The following CDH7 variants were observed in gnomAD, a reference collection of about 807,000 sequenced individuals.
CDH7 encodes cadherin-7.
Under a neutral mutation model 71.8 loss-of-function variants are expected in CDH7, and 25 were observed. The ratio of observed to expected loss-of-function variants is 0.35; its 90% CI spans 0.25 to 0.49. CDH7 has a LOEUF of 0.49. CDH7 is among the 20% of genes least tolerant of loss of function. CDH7 has a pLI of 0.99. For synonymous variants in CDH7, 381 were observed against 363.8 expected, an observed-to-expected ratio of 1.05 and a Z score of -0.54; for missense variants, 862 against 974.6, an observed-to-expected ratio of 0.88 and a Z score of 1.54.
chr18:65,806,560 G>T (rs1284650373), intron 2 of CDH7, among the ~76,000 whole-genome samples: 1 of 152,030 alleles, frequency 6.6e-6, no homozygotes, highest in African/African-American at 2.4e-5. Context: ...CCATTTTATA[G>T]GATCATAGTT....
At chr18:65,757,951 A>G (rs1175669197) in intron 1 of CDH7, among the ~76,000 whole-genome samples, 1 of 152,226 alleles carries the variant, frequency 6.6e-6, no homozygotes, top group Admixed American at 6.5e-5. Flanking sequence ...AAGATAGAAG[A>G]TAAACAACAT....
At chr18:65,774,202 G>C (rs572130724) in intron 2 of CDH7, among the ~76,000 whole-genome samples, 1 of 151,486 alleles carries the variant, frequency 6.6e-6, no homozygotes, top group Non-Finnish European at 1.5e-5. Flanking sequence ...TATTATTACT[G>C]TTATTAATAT....
chr18:65,859,517 A>G (rs1913484136), intron 9 of CDH7, among the ~76,000 whole-genome samples, 191 bp from the exon 10 acceptor site: 1 of 152,250 alleles, frequency 6.6e-6, no homozygotes, highest in Non-Finnish European at 1.5e-5. Flanking sequence ...AACATGAACT[A>G]AGAAAATGAC....
At chr18:65,876,990 A>G (rs1247153720) in intron 11 of CDH7, among the ~76,000 whole-genome samples, 1 of 152,152 alleles carries the variant, frequency 6.6e-6, no homozygotes, top group African/African-American at 2.4e-5. Flanking sequence ...AAATGATAAA[A>G]CCTCTTAAAA....
chr18:65,806,398 A>ATT (rs139863872), intron 2 of CDH7, among the ~76,000 whole-genome samples: 1 of 149,580 alleles, frequency 6.7e-6, no homozygotes, highest in African/African-American at 2.5e-5. Flanking sequence ...ATTAATAGAG[A>ATT]TTTTTTTTTT....
At chr18:65,776,054 G>A (rs1424867361) in intron 2 of CDH7, among the ~76,000 whole-genome samples, 8 of 152,154 alleles carry the variant, frequency 5.3e-5, no homozygotes, top group African/African-American at 1.9e-4. Flanking sequence ...AGTAAGAACA[G>A]AACTGGCAAC....
At chr18:65,795,517 C>T (rs1422729815) in intron 2 of CDH7, among the ~76,000 whole-genome samples, 3 of 152,124 alleles carry the variant, frequency 2.0e-5, no homozygotes, top group East Asian at 1.9e-4. Flanking sequence ...AACTATGTAT[C>T]TATAATGTGA....
At position 65,822,144 on chromosome 18, in the gene CDH7, T is replaced by C; in HGVS notation, c.689T>C (p.Ile230Thr). Residue 230 changes from isoleucine (I) to threonine (T), a missense_variant, in exon 5 of 12, where the codon ATT (isoleucine) becomes ACT (threonine). Physicochemically the swap from Ile to Thr is moderately conservative, Grantham distance 89. Transcript: ENST00000397968. Reference protein sequence around the residue: ...REAKDQYLLVIQAKDMVGQNG... With the variant: ...REAKDQYLLVTQAKDMVGQNG... Reference sequence around the variant, plus strand: ...GCTAAAGACCAGTATTTGCTTGTCATTCAGGCAAAGGATATGGTTGGTCAA... The same window carrying C: ...GCTAAAGACCAGTATTTGCTTGTCACTCAGGCAAAGGATATGGTTGGTCAA... The C allele has an allele frequency of 6.2e-7, 1 of 1,611,094 alleles. No individual in the cohort carries two copies.
Position 65,881,157 on chromosome 18 carries a change from T to C in CDH7, c.*263T>C, listed in dbSNP as rs1022149318. On this transcript the variant is annotated 3_prime_UTR_variant, in exon 12 of 12. Coordinates refer to ENST00000397968, the MANE Select transcript of CDH7 (RefSeq NM_004361.5). ...TTTGATAAAAATAAATGCTCAGTGG[T>C]TTGTGAATAGATAGCAACTCTCATA... is the stretch of plus-strand genomic sequence containing the variant. The C allele has an allele frequency of 3.1e-6, 1 of 320,106 alleles. No individual in the cohort carries two copies. Among genetic ancestry groups the C allele is most frequent in the Non-Finnish European group, 5.7e-6 (1 of 175,496 alleles). The allele number at this position is 320,106 out of a possible 1,614,324, so 19.8% of individuals were successfully genotyped here. A position where few individuals can be genotyped will look rare whatever the true frequency, so the allele number is the denominator to read the frequency against.
At chr18:65,858,897 A>G in intron 8 of CDH7, 28 bp from the exon 9 acceptor site, 1 of 1,602,922 alleles carries the variant, frequency 6.2e-7, no homozygotes, top group South Asian at 1.1e-5. Context: ...GCAAAGAGTA[A>G]ATGATAAGAC....
Position 65,883,791 on chromosome 18 carries a change from T to C in CDH7, c.*2897T>C, listed in dbSNP as rs1214572814. The C allele has an allele frequency of 6.6e-6, 1 of 152,148 alleles. No homozygotes were observed. Among genetic ancestry groups the C allele is most frequent in the Non-Finnish European group, 1.5e-5 (1 of 67,978 alleles). The allele number at this position is 152,148 out of a possible 1,614,324, so 9.4% of individuals were successfully genotyped here. ...ATTGTAAATATAGTATGAATTTATA[T>C]GATTTAAAATAATGACATGAAAGGA... On this transcript the variant is annotated 3_prime_UTR_variant, in exon 12 of 12. Coordinates refer to ENST00000397968, the MANE Select transcript of CDH7 (RefSeq NM_004361.5).
rs981530732 is a variant in CDH7 at position 65,881,124 on chromosome 18, G to T, written c.*230G>T. ...CACTGACCACAGACTCTGAGCATTT[G>T]AAGGTTTTTTGATAAAAATAAATGC... On this transcript the variant is annotated 3_prime_UTR_variant, in exon 12 of 12. Coordinates refer to ENST00000397968, the MANE Select transcript of CDH7 (RefSeq NM_004361.5). 1.0e-5 allele frequency: 4 copies of T among 398,024 alleles called. No individual in the cohort carries two copies. The highest frequency in any genetic ancestry group is 1.8e-5 in the Non-Finnish European group (4 of 227,032). 24.7% of individuals were successfully genotyped at this position (398,024 alleles called of 1,614,324 possible).
At chr18:65,755,046 T>C (rs1915993845) in intron 1 of CDH7, among the ~76,000 whole-genome samples, 1 of 152,218 alleles carries the variant, frequency 6.6e-6, no homozygotes, top group Admixed American at 6.5e-5. Flanking sequence ...TACCATTACC[T>C]ACTTAGAAAA....
chr18:65,818,946 C>T (rs976483213), intron 4 of CDH7, among the ~76,000 whole-genome samples: 1 of 152,088 alleles, frequency 6.6e-6, no homozygotes, highest in African/African-American at 2.4e-5. Context: ...ATTCATGGTC[C>T]TTATGAGGTA....
intron 6 of CDH7, among the ~76,000 whole-genome samples, chr18:65,843,145 G>A (rs1912798406): frequency 6.6e-6 from 1 of 152,172 alleles, no homozygotes; most frequent in Non-Finnish European, 1.5e-5. Flanking sequence ...TGGGAAAATT[G>A]TAGCATGTAA....
chr18:65,832,290 T>A (rs1912378220), intron 6 of CDH7, among the ~76,000 whole-genome samples: 2 of 152,074 alleles, frequency 1.3e-5, no homozygotes, highest in Non-Finnish European at 2.9e-5. Flanking sequence ...TTTGAATGTA[T>A]TATACTTGGC....
intron 7 of CDH7, among the ~76,000 whole-genome samples, chr18:65,844,472 A>G (rs893665662): frequency 2.0e-5 from 3 of 151,984 alleles, no homozygotes; most frequent in Non-Finnish European, 2.9e-5. Flanking sequence ...TTCTAAACAA[A>G]TCATTTTATT....
At chr18:65,861,583 AT>A (rs1224562479) in intron 10 of CDH7, among the ~76,000 whole-genome samples, 16 of 152,078 alleles carry the variant, frequency 1.1e-4, no homozygotes, top group Non-Finnish European at 2.2e-4. Flanking sequence ...AAAATAAAAG[AT>A]TTTTTTACAT....
Position 65,885,372 on chromosome 18 carries a change from G to GTTTTTTTTTGTTTT in CDH7, c.*4487_*4488insGTTTTTTTTTTTTT, listed in dbSNP as rs1914343520. 2 of 69,436 alleles carry GTTTTTTTTTGTTTT rather than the reference G, an allele frequency of 2.9e-5. No homozygotes were observed. Among genetic ancestry groups the GTTTTTTTTTGTTTT allele is most frequent in the Non-Finnish European group, 5.3e-5 (2 of 37,390 alleles). 4.3% of individuals were successfully genotyped at this position (69,436 alleles called of 1,614,324 possible). A position where few individuals can be genotyped will look rare whatever the true frequency, so the allele number is the denominator to read the frequency against. The stretch of plus-strand genomic sequence containing the variant: ...GTAACTGAAAAGGATGTGTGCCTGT[G>GTTTTTTTTTGTTTT]TTTTTTTTTTTTTTTTTTTTTTTGA... On this transcript the variant is annotated 3_prime_UTR_variant, in exon 12 of 12. Coordinates refer to ENST00000397968, the MANE Select transcript of CDH7 (RefSeq NM_004361.5).
Sources: gnomAD v4.1 joint callset for allele counts (sites outside exome capture counted in the v4.1 genomes callset) on GRCh38, gnomAD v4.1.1 for gene constraint, MANE v1.5 for transcripts, NCBI Gene and HGNC (gene_info 2026-07-23, HGNC 2026-07-21) for gene names.